Variants in URGCP observed in about 807,000 individuals in gnomAD.
URGCP encodes upregulator of cell proliferation, also known as up-regulator of cell proliferation.
URGCP carries 13 observed loss-of-function variants against 24.6 expected under a neutral mutation model. The observed-to-expected ratio is 0.53, with a 90% CI of 0.34 to 0.84. The LOEUF (loss-of-function observed/expected upper bound fraction) is 0.84, where lower values mean the gene tolerates loss of function less well. Ranked by LOEUF, URGCP falls within the 40% of genes least tolerant of loss-of-function variation. URGCP has a pLI of 0.01. For missense variants in URGCP, 899 were observed against 1,194.3 expected, an observed-to-expected ratio of 0.75 and a Z score of 3.64; for synonymous variants, 444 against 487.2, an observed-to-expected ratio of 0.91 and a Z score of 1.17.
chr7:43,900,469 CAAAA>C (rs759728715), intron 1 of URGCP, among the ~76,000 whole-genome samples: 8 of 114,492 alleles, frequency 7.0e-5, no homozygotes, highest in East Asian at 2.6e-4. Context: ...AAAACCAAAA[CAAAA>C]AAAAAAAAAA....
upstream of URGCP, among the ~76,000 whole-genome samples, chr7:43,908,777 C>T (rs1313363243): frequency 6.6e-6 from 1 of 152,158 alleles, no homozygotes; most frequent in Non-Finnish European, 1.5e-5. Flanking sequence ...AGCTTCTGAA[C>T]CTTGTTGGGT....
rs1449539032 is a variant in URGCP at position 43,890,196 on chromosome 7, C to T, written c.15-2380G>A. 4.0e-5 allele frequency among the ~76,000 whole-genome samples: 6 copies of T among 150,574 alleles called. No homozygotes were observed. In the South Asian group the frequency reaches 6.3e-4, roughly 16 times the overall value. ...CTGGGATTACAGGTGTGAGCCACCA[C>T]GCCCGGCCACTGGAAACTTTTTTTT... On this transcript the variant is annotated intron_variant, in intron 1 of 5. Coordinates refer to ENST00000453200, the MANE Select transcript of URGCP (RefSeq NM_001077663.3).
upstream of URGCP, among the ~76,000 whole-genome samples, chr7:43,909,126 T>C (rs1184106853): frequency 6.6e-6 from 1 of 152,198 alleles, no homozygotes; most frequent in East Asian, 1.9e-4. Context: ...AATTTCTAGA[T>C]CAATAGGATA....
intron 1 of URGCP, chr7:43,919,399 C>A (rs143348809): frequency 3.4e-6 from 3 of 871,516 alleles, no homozygotes; most frequent in Non-Finnish European, 6.0e-6. Flanking sequence ...CTGGTGTCCA[C>A]CATCATCTCG....
chr7:43,916,361 G>A (rs1027831462), intron 1 of URGCP, among the ~76,000 whole-genome samples: 2 of 152,080 alleles, frequency 1.3e-5, no homozygotes, highest in Admixed American at 6.5e-5. Flanking sequence ...TCTCTCCCTT[G>A]TTGGAGAAGG....
intron 1 of URGCP, among the ~76,000 whole-genome samples, chr7:43,898,404 T>C (rs1363259666): frequency 6.6e-6 from 1 of 152,210 alleles, no homozygotes. Flanking sequence ...ATGTTACAAA[T>C]GTGCAACACC....
chr7:43,878,571 G>GGTCCCGATGCCAGAAGCA lies in URGCP; in HGVS notation c.874_891dup (p.Cys292_Asp297dup). 2 of 1,614,182 alleles carry GGTCCCGATGCCAGAAGCA rather than the reference G, an allele frequency of 1.2e-6. No homozygotes were observed. The highest frequency in any genetic ancestry group is 1.7e-6 in the Non-Finnish European group (2 of 1,180,040). ...TCCCGGGCATTGGTGCCCAAGTTGA[G>GGTCCCGATGCCAGAAGCA]GTCCCGATGCCAGAAGCAGTCCCAC... is the stretch of plus-strand genomic sequence containing the variant. On this transcript the variant is annotated inframe_insertion, in exon 6 of 6. Coordinates refer to ENST00000453200, the MANE Select transcript of URGCP (RefSeq NM_001077663.3). The surrounding 1 kb of genome is among the most constrained non-coding windows in gnomAD (Gnocchi z 5.6).
Position 43,878,938 on chromosome 7 carries a change from G to A in URGCP, c.525C>T (p.Pro175=). ...AADIYSFSEL[P]TPDTPVNPLD... ...AGGGGTTCACTGGCGTATCAGGGGT[G>A]GGCAGCTCAGAAAAGGAATAAATGT... Residue 175 remains proline, a synonymous_variant, in exon 6 of 6, where the codon CCC becomes CCT. Coordinates refer to ENST00000453200, the MANE Select transcript of URGCP (RefSeq NM_001077663.3). This position sits in a 1 kb window ranked among gnomAD's most constrained non-coding sequence, Gnocchi z 5.6. The A allele has an allele frequency of 6.2e-7, 1 of 1,614,202 alleles. No homozygotes were observed. Among genetic ancestry groups the A allele is most frequent in the African/African-American group, 1.3e-5 (1 of 75,046 alleles).
intron 1 of URGCP, 70 bp downstream of exon 1, chr7:43,906,492 G>A (rs1462810931): frequency 1.7e-6 from 2 of 1,150,210 alleles, no homozygotes; most frequent in Non-Finnish European, 2.1e-6. Flanking sequence ...GCAGGCCAGA[G>A]CCGCTCCGGG....
chr7:43,918,238 C>T (rs116859828), intron 1 of URGCP, among the ~76,000 whole-genome samples: 50 of 146,190 alleles, frequency 3.4e-4, no homozygotes, highest in Non-Finnish European at 6.7e-4. Flanking sequence ...CACACTGCTG[C>T]ACTCCAGCCT....
chr7:43,889,546 A>AT (rs2095867215), intron 1 of URGCP: 1 of 152,210 alleles, frequency 6.6e-6, no homozygotes, highest in Admixed American at 6.5e-5. Context: ...ATATCACCAT[A>AT]TATGTTTTTC....
At chr7:43,888,562 A>G (rs1309204472) in intron 1 of URGCP, 1 of 152,170 alleles carries the variant, frequency 6.6e-6, no homozygotes, top group Non-Finnish European at 1.5e-5. Flanking sequence ...CAAATGAGTA[A>G]ATGTATTGAT....
chr7:43,915,995 G>A (rs1420355536), intron 1 of URGCP, among the ~76,000 whole-genome samples: 3 of 151,976 alleles, frequency 2.0e-5, no homozygotes, highest in Non-Finnish European at 4.4e-5. Context: ...GGCAACAACA[G>A]TGAAACTCCA....
intron 1 of URGCP, among the ~76,000 whole-genome samples, chr7:43,890,061 C>G (rs1462344247): frequency 6.6e-6 from 1 of 151,842 alleles, no homozygotes; most frequent in Non-Finnish European, 1.5e-5. Flanking sequence ...TGCGCCACCA[C>G]GCCTGGCTAA....
chr7:43,904,779 C>T (rs1030835081), intron 1 of URGCP, among the ~76,000 whole-genome samples: 6 of 152,220 alleles, frequency 3.9e-5, no homozygotes, highest in African/African-American at 1.4e-4. Flanking sequence ...CACAAACCTA[C>T]ATCGTAAGGT....
intron 1 of URGCP, among the ~76,000 whole-genome samples, chr7:43,903,437 T>G (rs2095895274): frequency 6.6e-6 from 1 of 152,182 alleles, no homozygotes; most frequent in Admixed American, 6.5e-5. Context: ...AAGTGACTAT[T>G]TAAAATCTTT....
rs186266760 is a variant in URGCP at position 43,916,225 on chromosome 7, G to A, written c.-116+9907C>T. ...TATTACTTAGAACGGCGAGGACTGT[G>A]ACTGTTTTTGCACCAACCCAATAAC... On this transcript the variant is annotated intron_variant, in intron 1 of 5. Transcript: ENST00000426198. Among the ~76,000 whole-genome samples the A allele has an allele frequency of 9.8e-4, 150 of 152,290 alleles. 1 individual carries two copies. The highest frequency in any genetic ancestry group is 3.2e-3 in the African/African-American group (134 of 41,564).
chr7:43,895,365 C>G (rs1318093717), intron 1 of URGCP, among the ~76,000 whole-genome samples: 1 of 152,110 alleles, frequency 6.6e-6, no homozygotes, highest in Non-Finnish European at 1.5e-5. Context: ...TATGATATCC[C>G]AGTTAGAGTG....
At chr7:43,914,020 G>C (rs2095913021) in intron 1 of URGCP, among the ~76,000 whole-genome samples, 3 of 152,006 alleles carry the variant, frequency 2.0e-5, no homozygotes, top group African/African-American at 7.2e-5. Flanking sequence ...TTTTTTTATA[G>C]AGACTATCTT....
Sources: allele counts gnomAD v4.1 joint callset (sites outside exome capture counted in the v4.1 genomes callset), GRCh38; gene constraint gnomAD v4.1.1; non-coding constraint Gnocchi (gnomAD v3.1); transcripts MANE v1.5; gene names NCBI Gene and HGNC (gene_info 2026-07-23, HGNC 2026-07-21).